DLG2: variants seen among roughly 807,000 people sequenced by gnomAD.
DLG2 encodes discs large MAGUK scaffold protein 2.
In DLG2, 45 loss-of-function variants were observed where a neutral mutation model predicts 132.5. That is an observed-to-expected ratio of 0.34 (90% CI 0.27 to 0.44). The LOEUF (loss-of-function observed/expected upper bound fraction) is 0.44, where lower values mean the gene tolerates loss of function less well. Among genes scored for constraint, DLG2 ranks in the 20% least tolerant of loss-of-function variants. The pLI is 1.00. For synonymous variants in DLG2, 424 were observed against 419.6 expected, an observed-to-expected ratio of 1.01 and a Z score of -0.13; for missense variants, 1,045 against 1,196.9, an observed-to-expected ratio of 0.87 and a Z score of 1.87.
chr11:84,784,345 TAAATA>T (rs2072451788), intron 6 of DLG2, among the ~76,000 whole-genome samples: 8 of 147,030 alleles, frequency 5.4e-5, no homozygotes, highest in African/African-American at 2.0e-4. Context: ...AATAAATAAA[TAAATA>T]AATAAATAAA....
At chr11:84,252,470 C>T (rs978026162) in intron 7 of DLG2, among the ~76,000 whole-genome samples, 1 of 152,002 alleles carries the variant, frequency 6.6e-6, no homozygotes, top group Non-Finnish European at 1.5e-5. Context: ...TAATCATAAA[C>T]CTCTAAATCC....
chr11:85,164,562 T>G (rs1594981533), intron 4 of DLG2, among the ~76,000 whole-genome samples: 1 of 152,158 alleles, frequency 6.6e-6, no homozygotes, highest in Non-Finnish European at 1.5e-5. Context: ...TATTCTTCCT[T>G]CATTTAAAAA....
intron 6 of DLG2, among the ~76,000 whole-genome samples, chr11:84,928,234 A>G (rs1431540423): frequency 1.3e-5 from 2 of 151,936 alleles, no homozygotes; most frequent in East Asian, 3.9e-4. Context: ...TTCTCTCTTA[A>G]AAACTCTAAC....
chr11:84,619,320 C>T (rs912265746), intron 6 of DLG2, among the ~76,000 whole-genome samples: 1 of 151,584 alleles, frequency 6.6e-6, no homozygotes, highest in African/African-American at 2.4e-5. Flanking sequence ...TACTGCATAT[C>T]ATATATTATA....
rs530612730 is a variant in DLG2, at chr11:84,477,822, A to G, written c.519+56748T>C. Among the ~76,000 whole-genome samples, 7 of 152,332 alleles carry G rather than the reference A, an allele frequency of 4.6e-5. No homozygotes were observed. In the South Asian group the frequency reaches 1.4e-3, roughly 32 times the overall value. On this transcript the variant is annotated intron_variant, in intron 7 of 27. Transcript: ENST00000376104. ...AGATGAGAGTATGTGCTGAAGTTAA[A>G]CAAGTTTCACATTCTGATTCTATCC...
chr11:85,131,982 T>C (rs1436897140), intron 5 of DLG2, among the ~76,000 whole-genome samples: 1 of 152,214 alleles, frequency 6.6e-6, no homozygotes, highest in Admixed American at 6.5e-5. Context: ...TAAATGTCTA[T>C]AATTAGTTTT....
intron 10 of DLG2, among the ~76,000 whole-genome samples, chr11:84,069,740 G>A (rs1347185070): frequency 6.6e-6 from 1 of 152,228 alleles, no homozygotes. Flanking sequence ...AATGGGGACA[G>A]AAATTGCTAT....
Position 85,480,010 on chromosome 11 carries a change from G to A in DLG2, c.40+118647C>T, listed in dbSNP as rs375086961. Among the ~76,000 whole-genome samples the A allele has an allele frequency of 3.3e-5, 5 of 152,198 alleles. No homozygotes were observed. The South Asian group carries it at 6.2e-4, about 19-fold the overall frequency. ...CTCCAAAATACCATTACGTTCTGAG[G>A]TACTAGGGGTAGGACTTCAACACAT... is the stretch of plus-strand genomic sequence containing the variant. On this transcript the variant is annotated intron_variant, in intron 3 of 27. Transcript: ENST00000376104.
chr11:85,429,272 TTA>T (rs2153009355), intron 3 of DLG2, among the ~76,000 whole-genome samples: 1 of 152,338 alleles, frequency 6.6e-6, no homozygotes, highest in African/African-American at 2.4e-5. Flanking sequence ...CTAACTCATT[TTA>T]TGAGACCAGC....
chr11:84,232,625 C>T lies in DLG2; in HGVS notation c.573+18613G>A, dbSNP rs1026090877. On this transcript the variant is annotated intron_variant, in intron 8 of 27. Coordinates refer to ENST00000376104, the MANE Select transcript of DLG2 (RefSeq NM_001142699.3). Reference sequence around the variant, plus strand: ...GATGAAGGAAAGAGCTTGCTTCCCACTCTCTGCTCTTCTCTATGTGAGGAC... The same window carrying T: ...GATGAAGGAAAGAGCTTGCTTCCCATTCTCTGCTCTTCTCTATGTGAGGAC... Among the ~76,000 whole-genome samples the T allele has an allele frequency of 3.9e-5, 6 of 152,170 alleles. 1 individual carries two copies. Among genetic ancestry groups the T allele is most frequent in the Admixed American group, 2.6e-4 (4 of 15,268 alleles).
At chr11:84,862,120 G>A (rs2083799670) in intron 6 of DLG2, among the ~76,000 whole-genome samples, 1 of 151,682 alleles carries the variant, frequency 6.6e-6, no homozygotes, top group African/African-American at 2.4e-5. Flanking sequence ...GCACCAGCAT[G>A]GCACATGTAT....
rs553983279 is a variant in DLG2 at position 84,703,859 on chromosome 11, T to G, written c.358-169128A>C. On this transcript the variant is annotated intron_variant, in intron 6 of 27. Coordinates refer to ENST00000376104, the MANE Select transcript of DLG2 (RefSeq NM_001142699.3). The stretch of plus-strand genomic sequence containing the variant: ...TAATGCTAAAACTATGTAGTGAAGA[T>G]ATATATATATATATATATATATATA... Among the ~76,000 whole-genome samples the G allele has an allele frequency of 3.5e-4, 37 of 104,520 alleles. No individual in the cohort carries two copies. In the South Asian group the frequency reaches 9.0e-3, roughly 25 times the overall value. 68.6% of individuals were successfully genotyped at this position (104,520 alleles called of 152,430 possible).
chr11:83,791,315 T>A, intron 17 of DLG2: 1 of 674,076 alleles, frequency 1.5e-6, no homozygotes, highest in Non-Finnish European at 2.6e-6. Flanking sequence ...CCTTTTGGCT[T>A]CTGTTTGGCA....
At chr11:85,424,401 A>C (rs2153000066) in intron 3 of DLG2, among the ~76,000 whole-genome samples, 1 of 152,196 alleles carries the variant, frequency 6.6e-6, no homozygotes, top group African/African-American at 2.4e-5. Flanking sequence ...CTGTCCATCC[A>C]AGTCAGAGCT....
At chr11:85,319,643 A>G (rs1429152987) in intron 3 of DLG2, among the ~76,000 whole-genome samples, 1 of 151,864 alleles carries the variant, frequency 6.6e-6, no homozygotes, top group African/African-American at 2.4e-5. Flanking sequence ...AATGGAACGC[A>G]GTGTCTGAAT....
At chr11:83,777,358 A>C (rs2094622270) in intron 18 of DLG2, among the ~76,000 whole-genome samples, 1 of 152,220 alleles carries the variant, frequency 6.6e-6, no homozygotes, top group South Asian at 2.1e-4. Context: ...TCTAAAAAGC[A>C]CATTAAAGAT....
intron 6 of DLG2, among the ~76,000 whole-genome samples, chr11:84,605,907 T>A (rs2099584762): frequency 2.0e-5 from 3 of 152,066 alleles, no homozygotes. Flanking sequence ...CATTCAAGCC[T>A]TAGATCAAAT....
chr11:83,521,212 T>C (rs765862735), intron 21 of DLG2, among the ~76,000 whole-genome samples: 1 of 152,220 alleles, frequency 6.6e-6, no homozygotes, highest in Non-Finnish European at 1.5e-5. Context: ...CCTCTGACCC[T>C]GCCTCTTTAT....
At chr11:84,395,662 C>A (rs1328922750) in intron 7 of DLG2, among the ~76,000 whole-genome samples, 2 of 152,172 alleles carry the variant, frequency 1.3e-5, no homozygotes, top group Non-Finnish European at 2.9e-5. Context: ...GCTTAACTAT[C>A]TTGTTAGTTG....
Sources: allele counts gnomAD v4.1 joint callset (sites outside exome capture counted in the v4.1 genomes callset), GRCh38; gene constraint gnomAD v4.1.1; transcripts MANE v1.5; gene names NCBI Gene and HGNC (gene_info 2026-07-23, HGNC 2026-07-21).